HHAT: variants seen among roughly 807,000 people sequenced by gnomAD.
HHAT encodes hedgehog acyltransferase.
Under a neutral mutation model 70.8 loss-of-function variants are expected in HHAT, and 47 were observed. The ratio of observed to expected loss-of-function variants is 0.66; its 90% confidence interval spans 0.53 to 0.85. The LOEUF is 0.85. Ranked by LOEUF, HHAT falls within the 40% of genes least tolerant of loss-of-function variation. The probability of loss-of-function intolerance (pLI) is 0.00; values close to 1 mark genes in which losing one functional copy is unlikely to be tolerated. For synonymous variants in HHAT, 228 were observed against 247.6 expected, an observed-to-expected ratio of 0.92 and a Z score of 0.74; for missense variants, 609 against 604.8, an observed-to-expected ratio of 1.01 and a Z score of -0.07.
intron 10 of HHAT, among the ~76,000 whole-genome samples, chr1:210,611,816 T>A (rs115822768): frequency 0.011 from 1,657 of 152,296 alleles, 29 homozygotes; most frequent in African/African-American, 0.034. Context: ...CTTTATTGAT[T>A]TGCGTATGTG....
At chr1:210,674,254 T>C in intron 11 of HHAT, 34 bp from the exon 12 acceptor site, 3 of 1,566,152 alleles carry the variant, frequency 1.9e-6, no homozygotes, top group Non-Finnish European at 2.6e-6. Flanking sequence ...CAAGCATTTC[T>C]AACTGCTCTT....
chr1:210,630,959 G>A (rs1181988063), intron 11 of HHAT: 2 of 436,828 alleles, frequency 4.6e-6, no homozygotes, highest in South Asian at 3.3e-5. Flanking sequence ...ATCGAGGAAT[G>A]CCTGAAGCCA....
intron 10 of HHAT, among the ~76,000 whole-genome samples, chr1:210,597,008 A>T (rs2148812069): frequency 6.6e-6 from 1 of 152,256 alleles, no homozygotes; most frequent in South Asian, 2.1e-4. Flanking sequence ...ATTGTGATCT[A>T]AGTTTTCGGT....
chr1:210,475,500 G>T (rs147333897), intron 8 of HHAT, among the ~76,000 whole-genome samples: 1 of 152,186 alleles, frequency 6.6e-6, no homozygotes, highest in Non-Finnish European at 1.5e-5. Context: ...CTCTGATTGG[G>T]TTTTTACCTC....
chr1:210,495,297 C>T (rs1159969523), intron 8 of HHAT, among the ~76,000 whole-genome samples: 1 of 150,736 alleles, frequency 6.6e-6, no homozygotes, highest in Non-Finnish European at 1.5e-5. Context: ...TAATATATTA[C>T]AAAATTTATA....
intron 3 of HHAT, among the ~76,000 whole-genome samples, chr1:210,387,030 C>A (rs1043605710): frequency 6.6e-6 from 1 of 152,206 alleles, no homozygotes; most frequent in Non-Finnish European, 1.5e-5. Context: ...GTGAAAATAT[C>A]TAGTTGTCTA....
intron 7 of HHAT, among the ~76,000 whole-genome samples, chr1:210,425,593 AG>A (rs1188813213): frequency 2.6e-5 from 4 of 152,150 alleles, no homozygotes; most frequent in Non-Finnish European, 5.9e-5. Context: ...TTTATTGAGG[AG>A]GGAATTATTT....
At chr1:210,606,652 T>A (rs1335329790) in intron 10 of HHAT, among the ~76,000 whole-genome samples, 1 of 152,198 alleles carries the variant, frequency 6.6e-6, no homozygotes, top group Non-Finnish European at 1.5e-5. Context: ...TTGTGCTGGG[T>A]CTTGTTTTTT....
intron 9 of HHAT, among the ~76,000 whole-genome samples, chr1:210,560,727 C>A (rs2095613690): frequency 7.2e-6 from 1 of 139,570 alleles, no homozygotes; most frequent in South Asian, 2.3e-4. Context: ...GAGGATGGAT[C>A]ACTTGAGATC....
At chr1:210,589,328 G>C (rs1661160431) in intron 10 of HHAT, 2 of 152,306 alleles carry the variant, frequency 1.3e-5, no homozygotes, top group South Asian at 4.1e-4. Flanking sequence ...ATTTAAATAT[G>C]CTCATGTATG....
chr1:210,336,154 C>T (rs906717827), intron 1 of HHAT, among the ~76,000 whole-genome samples: 4 of 152,086 alleles, frequency 2.6e-5, no homozygotes, highest in Non-Finnish European at 5.9e-5. Flanking sequence ...GGATCTCGCT[C>T]TGTCACCCAG....
intron 9 of HHAT, among the ~76,000 whole-genome samples, chr1:210,576,237 T>C (rs1272531485): frequency 1.3e-5 from 2 of 152,118 alleles, no homozygotes; most frequent in African/African-American, 2.4e-5. Context: ...ATGAAAGATA[T>C]AGGAATGCTA....
intron 10 of HHAT, among the ~76,000 whole-genome samples, chr1:210,618,603 C>G (rs146033587): frequency 0.017 from 2,658 of 152,304 alleles, 36 homozygotes; most frequent in Middle Eastern, 0.037. Flanking sequence ...TCAGCCTGTC[C>G]CCACCTCCCG....
chr1:210,345,835 G>C (rs1415608542), intron 1 of HHAT, among the ~76,000 whole-genome samples: 1 of 152,134 alleles, frequency 6.6e-6, no homozygotes, highest in East Asian at 1.9e-4. Flanking sequence ...TGTAATCCTA[G>C]CACTTTGGGA....
At chr1:210,382,437 G>A (rs1272859935) in intron 3 of HHAT, among the ~76,000 whole-genome samples, 1 of 152,142 alleles carries the variant, frequency 6.6e-6, no homozygotes, top group African/African-American at 2.4e-5. Context: ...AATGTGACAA[G>A]TACTAGATAG....
At chr1:210,528,162 A>G (rs1054714939) in intron 9 of HHAT, among the ~76,000 whole-genome samples, 2 of 152,208 alleles carry the variant, frequency 1.3e-5, no homozygotes, top group Admixed American at 6.5e-5. Flanking sequence ...TAATGCCGAG[A>G]GAGAGAGACA....
intron 11 of HHAT, among the ~76,000 whole-genome samples, chr1:210,628,310 A>G (rs995056732): frequency 2.0e-5 from 3 of 151,884 alleles, no homozygotes; most frequent in African/African-American, 7.3e-5. Context: ...CAGGGAAGCC[A>G]TGGACTTTGT....
At chr1:210,366,453 G>A (rs11119473) in intron 3 of HHAT, among the ~76,000 whole-genome samples, 17,370 of 152,024 alleles carry the variant, frequency 0.11, 1,302 homozygotes, top group East Asian at 0.27. Flanking sequence ...GAAACTCCAT[G>A]TCTACTAAAA....
At chr1:210,517,050 C>T (rs1015775298) in intron 9 of HHAT, among the ~76,000 whole-genome samples, 1 of 152,178 alleles carries the variant, frequency 6.6e-6, no homozygotes, top group Non-Finnish European at 1.5e-5. Context: ...TAGACAGAAG[C>T]AGCAATCACA....
Sources: gnomAD v4.1 joint callset for allele counts (sites outside exome capture counted in the v4.1 genomes callset) on GRCh38, gnomAD v4.1.1 for gene constraint, MANE v1.5 for transcripts, NCBI Gene and HGNC (gene_info 2026-07-23, HGNC 2026-07-21) for gene names.